CTNNA2: variants seen among roughly 807,000 people sequenced by gnomAD.
CTNNA2 encodes the protein catenin alpha 2, also known as catenin alpha-2.
A neutral mutation model predicts 101.0 loss-of-function variants in CTNNA2; 42 were observed. That is an observed-to-expected ratio of 0.42 (90% CI 0.32 to 0.54). CTNNA2 has a LOEUF of 0.54. Ranked by LOEUF, CTNNA2 falls within the 20% of genes least tolerant of loss-of-function variation. The pLI, the probability that CTNNA2 is intolerant of heterozygous loss-of-function variation, is 0.14. For missense variants in CTNNA2, 871 were observed against 1,223.1 expected (o/e 0.71, Z 4.29); for synonymous variants, 450 against 456.4 (o/e 0.99, Z 0.18).
At chr2:80,503,123 T>C (rs1158728931) in intron 9 of CTNNA2, among the ~76,000 whole-genome samples, 2 of 152,036 alleles carry the variant, frequency 1.3e-5, no homozygotes, top group African/African-American at 4.8e-5. Flanking sequence ...CACTCAGCCA[T>C]GATGGTGCCA....
At chr2:80,406,826 C>CAAAAAAAA (rs56793591) in intron 8 of CTNNA2, among the ~76,000 whole-genome samples, 1 of 63,974 alleles carries the variant, frequency 1.6e-5, no homozygotes, top group Non-Finnish European at 3.7e-5. Flanking sequence ...GACTCCATCT[C>CAAAAAAAA]AAAAAAAAAA....
intron 3 of CTNNA2, among the ~76,000 whole-genome samples, chr2:79,313,504 A>G (rs1319315622): frequency 1.3e-5 from 2 of 152,166 alleles, no homozygotes; most frequent in African/African-American, 4.8e-5. Flanking sequence ...GGGCAAAGCA[A>G]TTTAGCTAGA....
chr2:80,606,670 T>C (rs1255833959), intron 16 of CTNNA2, among the ~76,000 whole-genome samples: 1 of 151,960 alleles, frequency 6.6e-6, no homozygotes, highest in Non-Finnish European at 1.5e-5. Flanking sequence ...GTATTTTAAC[T>C]GCTTTGGTTT....
chr2:79,311,910 GT>G (rs932586122), intron 2 of CTNNA2, among the ~76,000 whole-genome samples: 1 of 152,034 alleles, frequency 6.6e-6, no homozygotes, highest in African/African-American at 2.4e-5. Context: ...TTTTGTTTTT[GT>G]TTTTTATTTG....
chr2:80,519,372 T>C (rs1166001781), intron 9 of CTNNA2, among the ~76,000 whole-genome samples: 1 of 152,194 alleles, frequency 6.6e-6, no homozygotes, highest in East Asian at 1.9e-4. Flanking sequence ...GGACTGGTAC[T>C]TAGGGTGCCT....
intron 9 of CTNNA2, among the ~76,000 whole-genome samples, chr2:80,501,207 T>G (rs1369642122): frequency 2.0e-5 from 3 of 152,228 alleles, no homozygotes; most frequent in Non-Finnish European, 2.9e-5. Context: ...TACACTTGAT[T>G]GCTTAGGCCA....
intron 3 of CTNNA2, among the ~76,000 whole-genome samples, chr2:79,782,390 C>G (rs112457821): frequency 1.6e-4 from 24 of 152,218 alleles, no homozygotes; most frequent in African/African-American, 5.3e-4. Context: ...GTGCGCGCCA[C>G]CATGCCCAGG....
chr2:79,640,082 G>A (rs767040731), intron 1 of CTNNA2, among the ~76,000 whole-genome samples: 5 of 151,728 alleles, frequency 3.3e-5, no homozygotes, highest in African/African-American at 7.3e-5. Flanking sequence ...GTTCCTGAAT[G>A]CATTAGAAGG....
At chr2:80,400,055 G>A (rs908667427) in intron 8 of CTNNA2, among the ~76,000 whole-genome samples, 1 of 152,148 alleles carries the variant, frequency 6.6e-6, no homozygotes, top group East Asian at 1.9e-4. Context: ...AGAGTGTGTG[G>A]TGCATCTACC....
chr2:79,669,768 C>G (rs749091695), intron 2 of CTNNA2, among the ~76,000 whole-genome samples: 1 of 152,202 alleles, frequency 6.6e-6, no homozygotes, highest in Non-Finnish European at 1.5e-5. Context: ...TGTCATCTCT[C>G]TGTCCTCTTT....
intron 3 of CTNNA2, among the ~76,000 whole-genome samples, chr2:79,774,190 TG>T (rs1377888374): frequency 6.6e-6 from 1 of 152,164 alleles, no homozygotes; most frequent in Non-Finnish European, 1.5e-5. Context: ...GTTGTAATGC[TG>T]ACATGAGAGA....
chr2:80,587,138 A>G (rs189767703), intron 14 of CTNNA2, among the ~76,000 whole-genome samples: 208 of 152,262 alleles, frequency 1.4e-3, no homozygotes, highest in African/African-American at 4.8e-3. Flanking sequence ...CTATTGTGTG[A>G]TATTAGGAAT....
intron 9 of CTNNA2, among the ~76,000 whole-genome samples, chr2:80,522,560 T>A (rs550773180): frequency 6.6e-6 from 1 of 152,234 alleles, no homozygotes; most frequent in South Asian, 2.1e-4. Context: ...CCTGGAGATT[T>A]TTGTCCCCGC....
chr2:80,051,844 C>T (rs1245031133), intron 7 of CTNNA2, among the ~76,000 whole-genome samples: 2 of 152,154 alleles, frequency 1.3e-5, no homozygotes, highest in African/African-American at 2.4e-5. Context: ...GTGCCCTTTC[C>T]ATGGGAGCAA....
intron 9 of CTNNA2, among the ~76,000 whole-genome samples, chr2:80,424,916 C>G (rs1464621169): frequency 6.6e-6 from 1 of 152,156 alleles, no homozygotes; most frequent in Non-Finnish European, 1.5e-5. Flanking sequence ...TCTATGGGAT[C>G]TTAAGTCCAA....
rs572473455 is a variant in CTNNA2 at position 80,003,775 on chromosome 2, A to G, written c.1056+93978A>G. Among the ~76,000 whole-genome samples the G allele has an allele frequency of 5.3e-5, 8 of 152,314 alleles. No individual in the cohort carries two copies. The South Asian group carries it at 1.7e-3, about 32-fold the overall frequency. On this transcript the variant is annotated intron_variant, in intron 7 of 18. Coordinates refer to ENST00000402739, the MANE Select transcript of CTNNA2 (RefSeq NM_001282597.3). Reference sequence around the variant, plus strand: ...GGTCACTCTAAATCACAGATTTCTTATGAGTAAAACAGAGATAATAATATT... The same window carrying G: ...GGTCACTCTAAATCACAGATTTCTTGTGAGTAAAACAGAGATAATAATATT...
At chr2:80,364,282 G>T (rs568805278) in intron 7 of CTNNA2, among the ~76,000 whole-genome samples, 2 of 152,194 alleles carry the variant, frequency 1.3e-5, no homozygotes, top group East Asian at 3.9e-4. Context: ...TTTTGAAGGC[G>T]TGTTTTTATA....
intron 7 of CTNNA2, among the ~76,000 whole-genome samples, chr2:80,384,900 C>A (rs1676859140): frequency 6.6e-6 from 1 of 151,954 alleles, no homozygotes; most frequent in Non-Finnish European, 1.5e-5. Context: ...TTTAATAAGA[C>A]CCTTTTCTTT....
intron 17 of CTNNA2, among the ~76,000 whole-genome samples, chr2:80,613,251 A>T (rs1372916216): frequency 6.6e-6 from 1 of 151,452 alleles, no homozygotes; most frequent in African/African-American, 2.4e-5. Flanking sequence ...AGTTACATTC[A>T]TACCAGTATG....
Sources: allele counts gnomAD v4.1 joint callset (sites outside exome capture counted in the v4.1 genomes callset), GRCh38; gene constraint gnomAD v4.1.1; transcripts MANE v1.5; gene names NCBI Gene and HGNC (gene_info 2026-07-23, HGNC 2026-07-21).